UXS1: variants seen among roughly 807,000 people sequenced by gnomAD.
UXS1 encodes the protein UDP-glucuronic acid decarboxylase 1.
In UXS1, 33 loss-of-function variants were observed where a neutral mutation model predicts 62.6. The ratio of observed to expected loss-of-function variants is 0.53; its 90% CI spans 0.40 to 0.70. The LOEUF (loss-of-function observed/expected upper bound fraction) is 0.70, where lower values mean the gene tolerates loss of function less well. Ranked by LOEUF, UXS1 falls within the 30% of genes least tolerant of loss-of-function variation. The probability of loss-of-function intolerance (pLI) is 0.00; values close to 1 mark genes in which losing one functional copy is unlikely to be tolerated. For missense variants in UXS1, 434 were observed against 556.3 expected, an observed-to-expected ratio of 0.78 and a Z score of 2.21; for synonymous variants, 213 against 206.8, an observed-to-expected ratio of 1.03 and a Z score of -0.26.
intron 4 of UXS1, among the ~76,000 whole-genome samples, chr2:106,158,567 C>T (rs1372519111): frequency 6.6e-6 from 1 of 152,132 alleles, no homozygotes; most frequent in East Asian, 1.9e-4. Context: ...TATTTTAGTG[C>T]AGAGGCCAAT....
intron 10 of UXS1, among the ~76,000 whole-genome samples, chr2:106,111,039 G>A (rs1029418217): frequency 1.3e-5 from 2 of 152,214 alleles, no homozygotes; most frequent in African/African-American, 4.8e-5. Flanking sequence ...GCTGTGTCCC[G>A]TGCTCTGCTG....
chr2:106,124,358 T>A (rs1220328107), intron 8 of UXS1, among the ~76,000 whole-genome samples: 1 of 152,208 alleles, frequency 6.6e-6, no homozygotes, highest in Non-Finnish European at 1.5e-5. Flanking sequence ...GATGCCAAGC[T>A]TCTAAATAAG....
chr2:106,151,904 G>A (rs1375939570), intron 5 of UXS1, among the ~76,000 whole-genome samples: 1 of 152,182 alleles, frequency 6.6e-6, no homozygotes, highest in African/African-American at 2.4e-5. Flanking sequence ...GAGATTATAT[G>A]GGGTAACAGT....
chr2:106,101,396 G>A (rs1186688391), intron 11 of UXS1: 5 of 388,680 alleles, frequency 1.3e-5, no homozygotes, highest in Non-Finnish European at 1.8e-5. Flanking sequence ...ATGGGGCTGA[G>A]TTCGCCACTG....
chr2:106,105,045 A>G (rs956149034), intron 10 of UXS1, among the ~76,000 whole-genome samples: 3 of 152,210 alleles, frequency 2.0e-5, no homozygotes, highest in African/African-American at 7.2e-5. Context: ...TAAAGTGTGC[A>G]CCTGGTATAG....
intron 4 of UXS1, chr2:106,159,853 G>T (rs1197664698): frequency 6.6e-6 from 1 of 152,224 alleles, no homozygotes; most frequent in African/African-American, 2.4e-5. Context: ...AAATTGGAGT[G>T]AAAGGGCTTT....
chr2:106,187,267 A>G (rs1260650681), intron 1 of UXS1, among the ~76,000 whole-genome samples: 1 of 152,070 alleles, frequency 6.6e-6, no homozygotes, highest in Non-Finnish European at 1.5e-5. Context: ...GCCTAGGAGG[A>G]TCCTAGGAAC....
Position 106,116,676 on chromosome 2 carries a change from CACT to C in UXS1, c.760-3914_760-3912del, listed in dbSNP as rs374030669. 7.2e-4 allele frequency among the ~76,000 whole-genome samples: 110 copies of C among 152,302 alleles called. 1 individual carries two copies. Among genetic ancestry groups the C allele is most frequent in the African/African-American group, 2.4e-3 (101 of 41,562 alleles). On this transcript the variant is annotated intron_variant, in intron 9 of 14. Coordinates refer to ENST00000283148, the MANE Select transcript of UXS1 (RefSeq NM_001253875.2). ...AATCTAAACATTTATATATTAAGTACACTACTAGGTATGGTTTGCAGTACTGAC... is the reference window on the plus strand; with the variant it reads ...AATCTAAACATTTATATATTAAGTACACTAGGTATGGTTTGCAGTACTGAC...
chr2:106,153,971 T>TA (rs1194389359), intron 5 of UXS1, among the ~76,000 whole-genome samples: 1 of 152,194 alleles, frequency 6.6e-6, no homozygotes, highest in Non-Finnish European at 1.5e-5. Context: ...AACAGTCAAT[T>TA]GGAACTAGGC....
At chr2:106,101,924 C>G (rs1677632819) in intron 11 of UXS1, 1 of 152,214 alleles carries the variant, frequency 6.6e-6, no homozygotes, top group African/African-American at 2.4e-5. Context: ...TTTCCATGAG[C>G]TACAATTCTT....
At chr2:106,130,964 C>T (rs946299578) in intron 6 of UXS1, among the ~76,000 whole-genome samples, 1 of 152,008 alleles carries the variant, frequency 6.6e-6, no homozygotes, top group Non-Finnish European at 1.5e-5. Context: ...ACGCAGAAGA[C>T]GGGTGATTTC....
intron 9 of UXS1, among the ~76,000 whole-genome samples, chr2:106,118,656 C>A (rs1199069837): frequency 2.0e-5 from 3 of 152,196 alleles, no homozygotes; most frequent in African/African-American, 7.2e-5. Flanking sequence ...CAGGGAGCTT[C>A]TCTTTTTCTA....
At chr2:106,157,807 T>C (rs530963236) in intron 5 of UXS1, among the ~76,000 whole-genome samples, 2 of 152,048 alleles carry the variant, frequency 1.3e-5, no homozygotes, top group Admixed American at 1.3e-4. Context: ...AGATAGAGAG[T>C]AGTTTTAGTG....
intron 9 of UXS1, among the ~76,000 whole-genome samples, chr2:106,115,271 C>G (rs1048359737): frequency 6.6e-6 from 1 of 152,340 alleles, no homozygotes; most frequent in African/African-American, 2.4e-5. Flanking sequence ...CCAGGAAGTA[C>G]ACACCAGGCA....
At chr2:106,094,698 C>A (rs950586924) in intron 14 of UXS1, among the ~76,000 whole-genome samples, 2 of 152,184 alleles carry the variant, frequency 1.3e-5, no homozygotes, top group Non-Finnish European at 2.9e-5. Flanking sequence ...GGACCCACGG[C>A]AGCCCACACC....
chr2:106,144,752 A>G (rs934566409), intron 6 of UXS1, among the ~76,000 whole-genome samples: 29 of 152,186 alleles, frequency 1.9e-4, no homozygotes, highest in Non-Finnish European at 3.7e-4. Context: ...TGGAAAGGCC[A>G]ACGGGGTTTT....
chr2:106,176,526 G>C (rs1303434077), intron 1 of UXS1, among the ~76,000 whole-genome samples: 1 of 152,184 alleles, frequency 6.6e-6, no homozygotes. Flanking sequence ...AAAAGAATGA[G>C]GTGCTCAAAG....
At chr2:106,124,585 T>G (rs1174520190) in intron 8 of UXS1, among the ~76,000 whole-genome samples, 1 of 152,194 alleles carries the variant, frequency 6.6e-6, no homozygotes, top group East Asian at 1.9e-4. Context: ...CTCCAATTAT[T>G]TAGGAAGCCT....
intron 1 of UXS1, among the ~76,000 whole-genome samples, chr2:106,188,645 C>CCAGGGAGACTCCTGCAGGGAGACTTCCTG (rs1210820800): frequency 6.6e-6 from 1 of 152,196 alleles, no homozygotes; most frequent in Non-Finnish European, 1.5e-5. Flanking sequence ...CCTGCAGGGA[C>CCAGGGAGACTCCTGCAGGGAGACTTCCTG]CAGGGAGAGT....
Sources: allele counts gnomAD v4.1 joint callset (sites outside exome capture counted in the v4.1 genomes callset), GRCh38; gene constraint gnomAD v4.1.1; transcripts MANE v1.5; gene names NCBI Gene and HGNC (gene_info 2026-07-23, HGNC 2026-07-21).